NEK10: variants seen among roughly 807,000 people sequenced by gnomAD.
The protein encoded by NEK10 is NIMA related kinase 10, also known as serine/threonine-protein kinase Nek10.
Under a neutral mutation model 159.8 loss-of-function variants are expected in NEK10, and 122 were observed. The observed-to-expected ratio is 0.76, with a 90% confidence interval of 0.66 to 0.89. The LOEUF (loss-of-function observed/expected upper bound fraction) is 0.89, where lower values mean the gene tolerates loss of function less well. Ranked by LOEUF, NEK10 falls within the 40% of genes least tolerant of loss-of-function variation. NEK10 has a pLI of 0.00. For synonymous variants in NEK10, 466 were observed against 457.1 expected (o/e 1.02, Z -0.25); for missense variants, 1,342 against 1,323.1 (o/e 1.01, Z -0.22).
At chr3:27,157,295 T>C (rs1392218205) in intron 30 of NEK10, among the ~76,000 whole-genome samples, 1 of 151,778 alleles carries the variant, frequency 6.6e-6, no homozygotes, top group East Asian at 1.9e-4. Flanking sequence ...TGTACCCCAA[T>C]AACTTATGGA....
chr3:27,287,857 A>G (rs554865728), intron 19 of NEK10, 114 bp from the exon 20 acceptor site: 261 of 1,134,854 alleles, frequency 2.3e-4, no homozygotes, highest in Non-Finnish European at 2.9e-4. Context: ...ATATTTATTT[A>G]CAAAACTAAG....
Position 27,359,919 on chromosome 3 carries a change from C to T in NEK10, c.-37-7000G>A, listed in dbSNP as rs78129970. Among the ~76,000 whole-genome samples the T allele has an allele frequency of 1.3e-3, 199 of 152,306 alleles. 1 individual carries two copies. The highest frequency in any genetic ancestry group is 4.7e-3 in the African/African-American group (194 of 41,574). ...CACTAAATCTCACAAATATACAGTG[C>T]TTGGACTTTTCAAATTATGTATGCT... On this transcript the variant is annotated intron_variant, in intron 1 of 35. Transcript: ENST00000691995.
intron 26 of NEK10, among the ~76,000 whole-genome samples, chr3:27,175,337 T>C (rs1947404391): frequency 6.6e-6 from 1 of 152,076 alleles, no homozygotes; most frequent in Non-Finnish European, 1.5e-5. Context: ...ACAAACCACT[T>C]GGGACTCTAC....
chr3:27,222,432 G>T (rs565915691), intron 23 of NEK10, among the ~76,000 whole-genome samples: 25 of 152,240 alleles, frequency 1.6e-4, no homozygotes, highest in African/African-American at 5.5e-4. Context: ...AAGCCATAAT[G>T]TAGTAAAACC....
At chr3:27,348,707 A>T (rs963276279) in intron 3 of NEK10, among the ~76,000 whole-genome samples, 1 of 151,942 alleles carries the variant, frequency 6.6e-6, no homozygotes, top group African/African-American at 2.4e-5. Flanking sequence ...TACCATGCTT[A>T]CCTCTCTTTC....
In NEK10 at chr3:27,352,563, GC is replaced by G. The variant is rs770355048; in HGVS notation, c.72-39del. On this transcript the variant is annotated intron_variant, in intron 2 of 35. Transcript: ENST00000691995. The stretch of plus-strand genomic sequence containing the variant: ...ATAACACAATGTGAACCCACAGAAG[GC>G]TCCAGGTGAACAAGATCGTGTTACC... The G allele has an allele frequency of 3.4e-6, 5 of 1,463,414 alleles. No individual in the cohort carries two copies. The Admixed American group carries it at 8.5e-5, about 25-fold the overall frequency. The allele number at this position is 1,463,414 out of a possible 1,614,324, so 90.7% of individuals were successfully genotyped here.
At chr3:27,270,071 A>G (rs1559398413) in intron 22 of NEK10, among the ~76,000 whole-genome samples, 1 of 152,204 alleles carries the variant, frequency 6.6e-6, no homozygotes, top group Non-Finnish European at 1.5e-5. Context: ...TGTGTGGATG[A>G]GACTTGGTAA....
chr3:27,229,328 T>C (rs967228337), intron 23 of NEK10, among the ~76,000 whole-genome samples: 8 of 152,072 alleles, frequency 5.3e-5, no homozygotes, highest in Non-Finnish European at 1.2e-4. Flanking sequence ...TAAAGTCTGA[T>C]CCTTAAAAGG....
chr3:27,229,206 A>T (rs538795858), intron 23 of NEK10, among the ~76,000 whole-genome samples: 1 of 152,296 alleles, frequency 6.6e-6, no homozygotes, highest in East Asian at 1.9e-4. Flanking sequence ...TAATTACTAC[A>T]ACCAGCATCT....
At chr3:27,148,438 T>G (rs980957701) in intron 30 of NEK10, among the ~76,000 whole-genome samples, 6 of 152,198 alleles carry the variant, frequency 3.9e-5, no homozygotes, top group African/African-American at 1.4e-4. Context: ...TAGATGTCCA[T>G]ATGTATGTCC....
At chr3:27,337,171 A>G (rs2046864206) in intron 5 of NEK10, among the ~76,000 whole-genome samples, 1 of 152,212 alleles carries the variant, frequency 6.6e-6, no homozygotes, top group African/African-American at 2.4e-5. Context: ...ATTTTTATAC[A>G]CCAACAATGA....
intron 30 of NEK10, among the ~76,000 whole-genome samples, chr3:27,151,058 T>A (rs1369123575): frequency 6.6e-6 from 1 of 152,106 alleles, no homozygotes; most frequent in Non-Finnish European, 1.5e-5. Flanking sequence ...ACCTGATGGT[T>A]CTTTCCTACC....
intron 9 of NEK10, 141 bp from the exon 10 acceptor site, chr3:27,309,146 T>TTTG (rs1239983120): frequency 6.3e-6 from 3 of 475,640 alleles, no homozygotes; most frequent in Admixed American, 3.5e-5. Flanking sequence ...GCTTAACTGT[T>TTTG]TTTTTTTTTT....
chr3:27,144,676 T>C (rs542415470), intron 30 of NEK10, among the ~76,000 whole-genome samples: 2 of 152,310 alleles, frequency 1.3e-5, no homozygotes, highest in South Asian at 2.1e-4. Flanking sequence ...TTTGTTCTTA[T>C]TGATTTGTAA....
Position 27,148,193 on chromosome 3 carries a change from G to A in NEK10, c.2870-6611C>T, listed in dbSNP as rs558992614. On this transcript the variant is annotated intron_variant, in intron 30 of 35. Coordinates refer to ENST00000691995, the MANE Select transcript of NEK10 (RefSeq NM_001394966.1). ...AAAGAGGCCTCTTGCTTTCAGGAGA[G>A]GGAACTGCTGTAGCAACCATTATAG... Among the ~76,000 whole-genome samples the A allele has an allele frequency of 2.8e-3, 431 of 152,318 alleles. 1 individual carries two copies. Among genetic ancestry groups the A allele is most frequent in the African/African-American group, 9.9e-3 (413 of 41,568 alleles).
intron 5 of NEK10, among the ~76,000 whole-genome samples, chr3:27,323,491 A>G (rs1395978037): frequency 6.6e-6 from 1 of 152,188 alleles, no homozygotes; most frequent in Non-Finnish European, 1.5e-5. Context: ...ACTACCCTAC[A>G]GTTCTATAGT....
intron 1 of NEK10, among the ~76,000 whole-genome samples, chr3:27,365,458 G>A (rs1243698952): frequency 1.3e-5 from 2 of 152,066 alleles, no homozygotes; most frequent in Non-Finnish European, 2.9e-5. Context: ...TTAAGTCCAT[G>A]ACTTTCATTA....
At chr3:27,328,342 A>C (rs1457735118) in intron 5 of NEK10, among the ~76,000 whole-genome samples, 1 of 152,216 alleles carries the variant, frequency 6.6e-6, no homozygotes, top group Admixed American at 6.5e-5. Flanking sequence ...CCAGTGGAGA[A>C]TAATCAAGGT....
intron 23 of NEK10, among the ~76,000 whole-genome samples, chr3:27,213,921 C>G (rs553805273): frequency 6.6e-6 from 1 of 152,246 alleles, no homozygotes; most frequent in African/African-American, 2.4e-5. Flanking sequence ...TTTTCTGATC[C>G]TGAAGAGATT....
Sources: gnomAD v4.1 joint callset for allele counts (sites outside exome capture counted in the v4.1 genomes callset) on GRCh38, gnomAD v4.1.1 for gene constraint, MANE v1.5 for transcripts, NCBI Gene and HGNC (gene_info 2026-07-23, HGNC 2026-07-21) for gene names.